GRID2: variants seen among roughly 807,000 people sequenced by gnomAD.
GRID2 encodes glutamate receptor ionotropic, delta-2.
In GRID2, 33 loss-of-function variants were observed where a neutral mutation model predicts 114.8. The observed-to-expected ratio is 0.29, with a 90% CI of 0.22 to 0.38. The LOEUF (loss-of-function observed/expected upper bound fraction) is 0.38. GRID2 is among the 10% of genes least tolerant of loss of function. The pLI is 1.00. For missense variants in GRID2, 1,184 were observed against 1,257.7 expected, an observed-to-expected ratio of 0.94 and a Z score of 0.89; for synonymous variants, 505 against 449.9, an observed-to-expected ratio of 1.12 and a Z score of -1.55.
At chr4:93,802,046 GCTTT>G (rs1333182542) in intron 1 of GRID2, among the ~76,000 whole-genome samples, 2 of 152,230 alleles carry the variant, frequency 1.3e-5, no homozygotes, top group African/African-American at 4.8e-5. Flanking sequence ...CAGGCCTGGA[GCTTT>G]CTGTCTATTG....
chr4:92,829,738 A>T (rs1741970691), intron 2 of GRID2, among the ~76,000 whole-genome samples: 1 of 152,188 alleles, frequency 6.6e-6, no homozygotes, highest in Non-Finnish European at 1.5e-5. Flanking sequence ...TACACCATGG[A>T]ATACTATGCA....
chr4:92,738,559 A>G (rs979606107), intron 2 of GRID2, among the ~76,000 whole-genome samples: 3 of 152,172 alleles, frequency 2.0e-5, no homozygotes, highest in African/African-American at 7.2e-5. Flanking sequence ...ACAATAAAAA[A>G]TTAATGTTTT....
chr4:93,306,505 G>C (rs1755439165), intron 8 of GRID2, among the ~76,000 whole-genome samples: 2 of 152,198 alleles, frequency 1.3e-5, no homozygotes, highest in Admixed American at 1.3e-4. Flanking sequence ...GGTAACCAAA[G>C]AATGAGATTA....
intron 2 of GRID2, chr4:92,822,391 A>C: frequency 1.0e-5 from 6 of 602,364 alleles, no homozygotes; most frequent in South Asian, 7.0e-5. Context: ...GCTTGCAGTT[A>C]GCCAGATTCC....
intron 13 of GRID2, among the ~76,000 whole-genome samples, chr4:93,532,384 T>TTC (rs1439664759): frequency 6.6e-6 from 1 of 152,176 alleles, no homozygotes; most frequent in Admixed American, 6.6e-5. Flanking sequence ...ACAATATGCT[T>TTC]TCATTTACTG....
chr4:92,654,803 C>T (rs1490590933), intron 2 of GRID2, among the ~76,000 whole-genome samples: 1 of 151,592 alleles, frequency 6.6e-6, no homozygotes, highest in Non-Finnish European at 1.5e-5. Context: ...GATGTTAGTC[C>T]CTTGTCAGAT....
intron 4 of GRID2, among the ~76,000 whole-genome samples, chr4:93,190,073 A>C (rs1300028155): frequency 6.6e-6 from 1 of 152,158 alleles, no homozygotes; most frequent in Non-Finnish European, 1.5e-5. Flanking sequence ...ATTATCTTTT[A>C]AATTGGCATA....
At chr4:93,573,416 T>C (rs918496182) in intron 13 of GRID2, among the ~76,000 whole-genome samples, 2 of 152,154 alleles carry the variant, frequency 1.3e-5, no homozygotes, top group East Asian at 3.9e-4. Flanking sequence ...AAGACTGAAA[T>C]TGGTCTAATG....
At chr4:93,128,358 AAGAG>A (rs1388545550) in intron 4 of GRID2, among the ~76,000 whole-genome samples, 1 of 152,172 alleles carries the variant, frequency 6.6e-6, no homozygotes, top group African/African-American at 2.4e-5. Flanking sequence ...GAGAGAGAAA[AAGAG>A]AGAGGAAGAA....
At chr4:93,785,223 A>G (rs1290482285) in intron 1 of GRID2, among the ~76,000 whole-genome samples, 2 of 152,214 alleles carry the variant, frequency 1.3e-5, no homozygotes, top group Admixed American at 6.5e-5. Flanking sequence ...ACCTTTTACA[A>G]TTGATTCTGT....
intron 14 of GRID2, among the ~76,000 whole-genome samples, chr4:93,754,171 T>C (rs1732559676): frequency 6.6e-6 from 1 of 152,160 alleles, no homozygotes; most frequent in Admixed American, 6.5e-5. Flanking sequence ...TATAATCTTA[T>C]GGGACCACTC....
intron 14 of GRID2, among the ~76,000 whole-genome samples, chr4:93,647,160 G>A (rs1371292502): frequency 6.6e-6 from 1 of 152,150 alleles, no homozygotes; most frequent in Non-Finnish European, 1.5e-5. Context: ...TAAATGATCT[G>A]AGAGATACAC....
chr4:92,705,426 C>T (rs1734908675), intron 2 of GRID2, among the ~76,000 whole-genome samples: 1 of 152,164 alleles, frequency 6.6e-6, no homozygotes, highest in South Asian at 2.1e-4. Flanking sequence ...CAAAGGAGAC[C>T]TGCACTGAAG....
intron 13 of GRID2, among the ~76,000 whole-genome samples, chr4:93,535,481 C>T (rs1481658414): frequency 6.6e-6 from 1 of 151,916 alleles, no homozygotes; most frequent in South Asian, 2.1e-4. Context: ...GTACTTTTTC[C>T]CATAATGGCT....
intron 2 of GRID2, among the ~76,000 whole-genome samples, chr4:92,930,629 C>CA (rs1750161884): frequency 7.9e-6 from 1 of 126,644 alleles, no homozygotes; most frequent in Non-Finnish European, 1.6e-5. Flanking sequence ...AAATTTACAA[C>CA]ATGTGAAGCA....
chr4:92,903,250 C>A (rs1400573729), intron 2 of GRID2, among the ~76,000 whole-genome samples: 2 of 150,856 alleles, frequency 1.3e-5, no homozygotes, highest in Non-Finnish European at 1.5e-5. Flanking sequence ...AAAAAAAAAA[C>A]CCACAACATT....
chr4:93,694,582 A>T (rs1224058193), intron 14 of GRID2, among the ~76,000 whole-genome samples: 1 of 152,128 alleles, frequency 6.6e-6, no homozygotes, highest in Non-Finnish European at 1.5e-5. Flanking sequence ...TAAAATACAA[A>T]CATCTTGCCA....
rs190023671 is a variant in GRID2, at chr4:92,630,734, T to C, written c.244+40448T>C. Among the ~76,000 whole-genome samples the C allele has an allele frequency of 2.3e-4, 35 of 152,260 alleles. No individual in the cohort carries two copies. In the South Asian group the frequency reaches 4.4e-3, roughly 19 times the overall value. On this transcript the variant is annotated intron_variant, in intron 2 of 15. Transcript: ENST00000282020. ...CAGTTTCCTCTAGTGAGGCATTTTA[T>C]TGTGATGGAATTAGGCATTGATAAG...
At chr4:93,109,831 T>C (rs1732598979) in intron 3 of GRID2, among the ~76,000 whole-genome samples, 1 of 152,144 alleles carries the variant, frequency 6.6e-6, no homozygotes, top group Non-Finnish European at 1.5e-5. Context: ...AAACAAGCAA[T>C]CTGATACTAA....
Sources: allele counts gnomAD v4.1 joint callset (sites outside exome capture counted in the v4.1 genomes callset), GRCh38; gene constraint gnomAD v4.1.1; transcripts MANE v1.5; gene names NCBI Gene and HGNC (gene_info 2026-07-23, HGNC 2026-07-21).